Variants in CPQ observed in about 807,000 individuals in gnomAD.
The protein encoded by CPQ is carboxypeptidase Q, also known as Ser-Met dipeptidase.
CPQ carries 37 observed loss-of-function variants against 45.7 expected under a neutral mutation model. That is an observed-to-expected ratio of 0.81 (90% CI 0.62 to 1.07). The LOEUF (loss-of-function observed/expected upper bound fraction) is 1.07, where lower values mean the gene tolerates loss of function less well. CPQ is among the 50% of genes least tolerant of loss of function. The pLI is 0.00. For missense variants in CPQ, 537 were observed against 572.9 expected (o/e 0.94, Z 0.64); for synonymous variants, 186 against 205.8 (o/e 0.90, Z 0.82).
At chr8:96,903,649 G>A (rs939823580) in intron 4 of CPQ, among the ~76,000 whole-genome samples, 5 of 152,088 alleles carry the variant, frequency 3.3e-5, no homozygotes, top group Admixed American at 3.3e-4. Context: ...TTATTCCTTT[G>A]AGGTAGAAAA....
intron 1 of CPQ, among the ~76,000 whole-genome samples, chr8:96,747,863 G>T (rs1203857531): frequency 6.6e-6 from 1 of 152,152 alleles, no homozygotes; most frequent in Admixed American, 6.5e-5. Context: ...TTGACAAGCT[G>T]ACCAAATATG....
intron 3 of CPQ, among the ~76,000 whole-genome samples, chr8:96,845,744 A>T (rs2130856558): frequency 6.6e-6 from 1 of 152,272 alleles, no homozygotes; most frequent in South Asian, 2.1e-4. Context: ...CTCTTCTGAG[A>T]TCAGACAAGA....
rs568939662 is a variant in CPQ, at chr8:96,767,874, C to T, written c.-34-16990C>T. ...GGCCAGGCTGGTCTCGAACCCCTAA[C>T]CTCAGATGATCCACCCACCTCGGCC... On this transcript the variant is annotated intron_variant, in intron 1 of 7. Transcript: ENST00000220763. 4.6e-5 allele frequency among the ~76,000 whole-genome samples: 7 copies of T among 152,030 alleles called. No individual in the cohort carries two copies. The East Asian group carries it at 9.7e-4, about 21-fold the overall frequency.
intron 4 of CPQ, among the ~76,000 whole-genome samples, chr8:96,895,464 A>G (rs1367106816): frequency 6.6e-6 from 1 of 152,230 alleles, no homozygotes; most frequent in Non-Finnish European, 1.5e-5. Flanking sequence ...ACAAATGGAT[A>G]TCCTGCAATT....
At chr8:96,805,766 ACCTCTCTGTTGTTTC>A (rs1811070929) in intron 2 of CPQ, among the ~76,000 whole-genome samples, 2 of 150,836 alleles carry the variant, frequency 1.3e-5, no homozygotes, top group Admixed American at 6.6e-5. Flanking sequence ...GAAACTTGGG[ACCTCTCTGTTGTTTC>A]CCTCATGCAG....
At chr8:97,109,765 G>A (rs1428731784) in intron 7 of CPQ, among the ~76,000 whole-genome samples, 1 of 152,022 alleles carries the variant, frequency 6.6e-6, no homozygotes, top group Non-Finnish European at 1.5e-5. Flanking sequence ...CTTACCCGCT[G>A]TTTTATGACC....
intron 4 of CPQ, among the ~76,000 whole-genome samples, chr8:96,888,011 A>G (rs2130887076): frequency 6.6e-6 from 1 of 152,292 alleles, no homozygotes; most frequent in Admixed American, 6.5e-5. Context: ...TTCTTTTTTC[A>G]GTGTGGGGCA....
chr8:96,957,724 G>T (rs1813378262), intron 4 of CPQ, among the ~76,000 whole-genome samples: 2 of 151,850 alleles, frequency 1.3e-5, no homozygotes, highest in Admixed American at 1.3e-4. Flanking sequence ...ACTTGAACCT[G>T]GGAGACAGAG....
chr8:97,118,388 T>C (rs1811632638), intron 7 of CPQ, among the ~76,000 whole-genome samples: 1 of 152,174 alleles, frequency 6.6e-6, no homozygotes, highest in South Asian at 2.1e-4. Context: ...TGGATTTCTT[T>C]CTGTGAAAAT....
chr8:96,743,784 G>C (rs1252819729), intron 1 of CPQ, among the ~76,000 whole-genome samples: 2 of 152,226 alleles, frequency 1.3e-5, no homozygotes, highest in African/African-American at 4.8e-5. Flanking sequence ...CAGTTAGGCT[G>C]CTCAGGGGTC....
intron 7 of CPQ, among the ~76,000 whole-genome samples, chr8:97,083,017 T>C (rs1319197508): frequency 6.6e-6 from 1 of 152,196 alleles, no homozygotes; most frequent in Non-Finnish European, 1.5e-5. Flanking sequence ...GCAACAAGTG[T>C]CATGAAAGAG....
intron 5 of CPQ, among the ~76,000 whole-genome samples, chr8:97,018,577 T>G (rs1429034191): frequency 1.3e-5 from 2 of 152,086 alleles, no homozygotes; most frequent in Non-Finnish European, 2.9e-5. Context: ...ATGGACACAC[T>G]TATAGAAATG....
At chr8:96,967,278 T>C (rs1257889496) in intron 5 of CPQ, among the ~76,000 whole-genome samples, 1 of 152,192 alleles carries the variant, frequency 6.6e-6, no homozygotes, top group East Asian at 1.9e-4. Flanking sequence ...GGAAGCACAG[T>C]GGTGGAGTAA....
intron 4 of CPQ, among the ~76,000 whole-genome samples, chr8:96,888,217 GA>G (rs1812328502): frequency 6.6e-6 from 1 of 152,170 alleles, no homozygotes; most frequent in South Asian, 2.1e-4. Flanking sequence ...TCCCTTGGGG[GA>G]CAAAAGCCAC....
intron 4 of CPQ, among the ~76,000 whole-genome samples, chr8:96,961,165 G>A (rs1249023577): frequency 6.6e-6 from 1 of 152,164 alleles, no homozygotes; most frequent in Non-Finnish European, 1.5e-5. Context: ...CTTCTACCAG[G>A]AGTGGATAAG....
intron 2 of CPQ, among the ~76,000 whole-genome samples, chr8:96,816,624 C>CAT (rs1252209750): frequency 6.6e-6 from 1 of 152,096 alleles, no homozygotes; most frequent in Admixed American, 6.5e-5. Context: ...CTATGGCAGC[C>CAT]ATAGCCTTAT....
intron 5 of CPQ, among the ~76,000 whole-genome samples, chr8:96,969,150 T>A (rs539619318): frequency 6.6e-6 from 1 of 152,304 alleles, no homozygotes; most frequent in African/African-American, 2.4e-5. Flanking sequence ...ATGAAAGATA[T>A]GAGAATTAAC....
chr8:96,782,824 A>T (rs1016259312), intron 1 of CPQ, among the ~76,000 whole-genome samples: 1 of 152,154 alleles, frequency 6.6e-6, no homozygotes, highest in African/African-American at 2.4e-5. Context: ...ATTCTAGTTT[A>T]TCACTCTTAA....
At chr8:96,721,761 C>A (rs1809767138) in intron 1 of CPQ, among the ~76,000 whole-genome samples, 1 of 152,110 alleles carries the variant, frequency 6.6e-6, no homozygotes, top group Admixed American at 6.5e-5. Context: ...ATCTTTCTTC[C>A]AGCTCTCTCT....
Sources: gnomAD v4.1 joint callset for allele counts (sites outside exome capture counted in the v4.1 genomes callset) on GRCh38, gnomAD v4.1.1 for gene constraint, MANE v1.5 for transcripts, NCBI Gene and HGNC (gene_info 2026-07-23, HGNC 2026-07-21) for gene names.